ADGRL3: variants seen among roughly 807,000 people sequenced by gnomAD.
The protein encoded by ADGRL3 is calcium-independent alpha-latrotoxin receptor 3.
A neutral mutation model predicts 153.5 loss-of-function variants in ADGRL3; 62 were observed. The ratio of observed to expected loss-of-function variants is 0.40; its 90% CI spans 0.33 to 0.50. ADGRL3 has a LOEUF of 0.50. Among genes scored for constraint, ADGRL3 ranks in the 20% least tolerant of loss-of-function variants. The pLI is 0.47. For missense variants in ADGRL3, 1,641 were observed against 1,859.4 expected (o/e 0.88, Z 2.16); for synonymous variants, 710 against 672.5 (o/e 1.06, Z -0.86).
chr4:62,007,650 A>G (rs927609159), intron 21 of ADGRL3, among the ~76,000 whole-genome samples: 5 of 151,132 alleles, frequency 3.3e-5, no homozygotes, highest in African/African-American at 7.3e-5. Flanking sequence ...GCCTCCAGCT[A>G]GATACCACAA....
chr4:62,028,338 A>T (rs1437065329), intron 21 of ADGRL3, among the ~76,000 whole-genome samples: 1 of 151,820 alleles, frequency 6.6e-6, no homozygotes, highest in Non-Finnish European at 1.5e-5. Flanking sequence ...AGTACTCAAG[A>T]TAGATTATTT....
At chr4:61,733,600 T>G (rs2096469655) in intron 8 of ADGRL3, 46 bp downstream of exon 8, 2 of 1,327,086 alleles carry the variant, frequency 1.5e-6, no homozygotes, top group East Asian at 4.7e-5. Context: ...TATTTACTGT[T>G]TGTTCTCAGC....
intron 1 of ADGRL3, among the ~76,000 whole-genome samples, chr4:61,373,088 C>A (rs941991803): frequency 2.0e-5 from 3 of 152,150 alleles, no homozygotes; most frequent in African/African-American, 7.2e-5. Flanking sequence ...TGCTTCGGCT[C>A]GTGCAGGGTG....
intron 1 of ADGRL3, among the ~76,000 whole-genome samples, chr4:61,303,979 G>A (rs1335933715): frequency 6.6e-6 from 1 of 152,136 alleles, no homozygotes; most frequent in Non-Finnish European, 1.5e-5. Context: ...TCAGTATTAG[G>A]AGATAATAGA....
rs192388374 is a variant in ADGRL3, at chr4:61,869,016, C to T, written c.1481-23640C>T. Among the ~76,000 whole-genome samples the T allele has an allele frequency of 1.8e-3, 279 of 152,268 alleles. 3 individuals are homozygous for T. The highest frequency in any genetic ancestry group is 6.4e-3 in the African/African-American group (265 of 41,556). ...TCACTGCAGCCTCGTGATGGCAGCT[C>T]ACTGCAGCCTCGACCTACTGGGCTC... On this transcript the variant is annotated intron_variant, in intron 9 of 26. Coordinates refer to ENST00000683033, the MANE Select transcript of ADGRL3 (RefSeq NM_001387552.1).
At chr4:61,348,242 C>T (rs915360838) in intron 1 of ADGRL3, among the ~76,000 whole-genome samples, 10 of 151,792 alleles carry the variant, frequency 6.6e-5, no homozygotes, top group African/African-American at 9.7e-5. Context: ...TGATTATTTT[C>T]CTTTGTAGTT....
chr4:61,474,281 T>G (rs542298694), intron 2 of ADGRL3, among the ~76,000 whole-genome samples: 1 of 152,242 alleles, frequency 6.6e-6, no homozygotes, highest in African/African-American at 2.4e-5. Flanking sequence ...ATAGGGAAAA[T>G]AACAGAATGT....
intron 8 of ADGRL3, among the ~76,000 whole-genome samples, chr4:61,737,634 C>T (rs943652964): frequency 2.6e-5 from 4 of 152,134 alleles, no homozygotes; most frequent in Non-Finnish European, 5.9e-5. Flanking sequence ...GTAATAGGCA[C>T]AATACAGTAA....
intron 1 of ADGRL3, among the ~76,000 whole-genome samples, chr4:61,303,056 T>C (rs1449943760): frequency 6.6e-6 from 1 of 152,148 alleles, no homozygotes; most frequent in African/African-American, 2.4e-5. Flanking sequence ...CATTGACACC[T>C]CCAAAACGTT....
At chr4:61,387,191 A>G (rs1166667074) in intron 2 of ADGRL3, among the ~76,000 whole-genome samples, 3 of 152,182 alleles carry the variant, frequency 2.0e-5, no homozygotes, top group Non-Finnish European at 4.4e-5. Flanking sequence ...GGGATTTTCA[A>G]AAGGGAAGGG....
At chr4:61,909,777 GT>G in intron 12 of ADGRL3, 32 bp downstream of exon 12, 1 of 1,339,152 alleles carries the variant, frequency 7.5e-7, no homozygotes, top group Non-Finnish European at 1.0e-6. Flanking sequence ...GTGTGTGTGT[GT>G]GTGTGTGTGT....
chr4:61,774,092 C>T (rs1561226525), intron 8 of ADGRL3, among the ~76,000 whole-genome samples: 2 of 152,108 alleles, frequency 1.3e-5, no homozygotes, highest in African/African-American at 4.8e-5. Flanking sequence ...CATGGTGCCT[C>T]ATGCTTGTAA....
At chr4:61,463,063 G>A (rs1356767579) in intron 2 of ADGRL3, among the ~76,000 whole-genome samples, 1 of 152,126 alleles carries the variant, frequency 6.6e-6, no homozygotes, top group Admixed American at 6.6e-5. Context: ...ATAACAAAAG[G>A]ATCAGATGTG....
Position 62,037,815 on chromosome 4 carries a change from T to A in ADGRL3, c.3676T>A (p.Ser1226Thr), listed in dbSNP as rs558945757. ...GAGTTCCATTGGTTCAGGGAAAACA[T>A]CTGGTTCTCGAACTCCTGGACGCTA... ...TESSIGSGKTSGSRTPGRYST... is the reference protein window; with the variant it reads ...TESSIGSGKTTGSRTPGRYST... Residue 1226 changes from serine to threonine, a missense_variant, in exon 24 of 27, where the codon TCT becomes ACT. Ser to Thr is a moderately conservative substitution (Grantham distance 58). Coordinates refer to ENST00000683033, the MANE Select transcript of ADGRL3 (RefSeq NM_001387552.1). The A allele has an allele frequency of 1.9e-6, 3 of 1,613,690 alleles. No individual in the cohort carries two copies. The South Asian group carries it at 3.3e-5, about 18-fold the overall frequency.
intron 5 of ADGRL3, among the ~76,000 whole-genome samples, chr4:61,627,331 T>C (rs973093133): frequency 2.0e-5 from 3 of 152,126 alleles, no homozygotes; most frequent in African/African-American, 7.2e-5. Flanking sequence ...AATGAATAGT[T>C]AGCCGAATGT....
At chr4:61,567,556 C>T (rs2098821450) in intron 4 of ADGRL3, among the ~76,000 whole-genome samples, 1 of 152,132 alleles carries the variant, frequency 6.6e-6, no homozygotes, top group African/African-American at 2.4e-5. Flanking sequence ...CCATATCTGT[C>T]AACACCTTGT....
At chr4:62,041,563 T>C (rs1728305597) in intron 24 of ADGRL3, among the ~76,000 whole-genome samples, 2 of 152,094 alleles carry the variant, frequency 1.3e-5, no homozygotes, top group South Asian at 4.1e-4. Flanking sequence ...TTCCTCTTTA[T>C]TTAACCTCCG....
chr4:61,517,634 C>T, intron 4 of ADGRL3, 116 bp downstream of exon 4: 1 of 636,660 alleles, frequency 1.6e-6, no homozygotes, highest in Non-Finnish European at 2.9e-6. Context: ...TCTGCATTCA[C>T]TTTTGTGGCT....
At chr4:61,639,425 T>C (rs1436454555) in intron 5 of ADGRL3, among the ~76,000 whole-genome samples, 1 of 152,052 alleles carries the variant, frequency 6.6e-6, no homozygotes, top group Non-Finnish European at 1.5e-5. Flanking sequence ...TCTCCCAAAA[T>C]AGGATTGAAC....
Sources: allele counts gnomAD v4.1 joint callset (sites outside exome capture counted in the v4.1 genomes callset), GRCh38; gene constraint gnomAD v4.1.1; transcripts MANE v1.5; gene names NCBI Gene and HGNC (gene_info 2026-07-23, HGNC 2026-07-21).